KAZN: variants seen among roughly 807,000 people sequenced by gnomAD.
The protein encoded by KAZN is kazrin, periplakin interacting protein.
A neutral mutation model predicts 87.4 loss-of-function variants in KAZN; 40 were observed. That is an observed-to-expected ratio of 0.46 (90% CI 0.36 to 0.60). The LOEUF (loss-of-function observed/expected upper bound fraction) is 0.60. Among genes scored for constraint, KAZN ranks in the 20% least tolerant of loss-of-function variants. KAZN has a pLI of 0.00. For missense variants in KAZN, 898 were observed against 1,073.9 expected (o/e 0.84, Z 2.29); for synonymous variants, 466 against 458.3 (o/e 1.02, Z -0.22).
chr1:13,916,085 C>T (rs1420219775), intron 1 of KAZN, among the ~76,000 whole-genome samples: 1 of 152,128 alleles, frequency 6.6e-6, no homozygotes, highest in Non-Finnish European at 1.5e-5. Flanking sequence ...GGATGATCAG[C>T]CCCAGATGCC....
chr1:14,131,450 G>T (rs908133835), intron 1 of KAZN, among the ~76,000 whole-genome samples: 6 of 152,098 alleles, frequency 3.9e-5, no homozygotes, highest in Non-Finnish European at 7.4e-5. Context: ...TGTGTAGTTT[G>T]CCTCCTAAGC....
chr1:14,418,608 C>T (rs1665040498), intron 2 of KAZN, among the ~76,000 whole-genome samples: 2 of 152,156 alleles, frequency 1.3e-5, no homozygotes, highest in African/African-American at 4.8e-5. Context: ...GATAGCAAGG[C>T]TTGTTTTATA....
upstream of KAZN, among the ~76,000 whole-genome samples, chr1:14,594,255 G>A (rs1676359892): frequency 6.6e-6 from 1 of 152,192 alleles, no homozygotes; most frequent in South Asian, 2.1e-4. Flanking sequence ...TCTGGGAAAA[G>A]GGAGGTGCAT....
intron 2 of KAZN, among the ~76,000 whole-genome samples, chr1:14,371,606 T>A (rs758800081): frequency 1.1e-4 from 17 of 151,916 alleles, no homozygotes; most frequent in Admixed American, 2.6e-4. Context: ...TGGAAGATGC[T>A]GATAAAAAAA....
intron 1 of KAZN, among the ~76,000 whole-genome samples, chr1:14,875,201 C>T (rs1652616159): frequency 6.6e-6 from 1 of 151,926 alleles, no homozygotes; most frequent in Non-Finnish European, 1.5e-5. Flanking sequence ...CATGATGGTG[C>T]ATGCCTGTAA....
chr1:14,271,011 A>G (rs745432415), intron 2 of KAZN, among the ~76,000 whole-genome samples: 1 of 152,222 alleles, frequency 6.6e-6, no homozygotes, highest in Non-Finnish European at 1.5e-5. Context: ...AAGTACCACC[A>G]GATGGGAAGC....
intron 1 of KAZN, among the ~76,000 whole-genome samples, chr1:14,791,584 C>T (rs556984234): frequency 1.1e-3 from 161 of 152,286 alleles, no homozygotes; most frequent in African/African-American, 3.5e-3. Context: ...CTCCCTGTCA[C>T]CTCCCTCCAC....
chr1:14,980,346 C>T (rs775786474), intron 2 of KAZN, among the ~76,000 whole-genome samples: 5 of 152,138 alleles, frequency 3.3e-5, no homozygotes, highest in South Asian at 2.1e-4. Context: ...AGGGATTTCC[C>T]GAGACAGACA....
intron 2 of KAZN, among the ~76,000 whole-genome samples, chr1:14,978,615 G>A (rs1219080185): frequency 3.9e-5 from 6 of 152,106 alleles, no homozygotes; most frequent in Non-Finnish European, 8.8e-5. Context: ...TGGAAATTCA[G>A]GTCCCCACCC....
intron 1 of KAZN, among the ~76,000 whole-genome samples, chr1:14,169,870 C>T (rs1320351547): frequency 1.3e-5 from 2 of 152,176 alleles, no homozygotes; most frequent in Non-Finnish European, 2.9e-5. Context: ...GAAGTCACTT[C>T]CCAACAGCTA....
intron 8 of KAZN, among the ~76,000 whole-genome samples, chr1:15,090,546 G>A (rs909003992): frequency 6.6e-6 from 1 of 152,264 alleles, no homozygotes; most frequent in Admixed American, 6.5e-5. Flanking sequence ...TGGCAGGAAG[G>A]TGGGGCCCTG....
Position 15,021,062 on chromosome 1 carries a change from G to A in KAZN, c.419-13687G>A, listed in dbSNP as rs908114809. On this transcript the variant is annotated intron_variant, in intron 2 of 14. Transcript: ENST00000376030. This position sits in a 1 kb window ranked among gnomAD's most constrained non-coding sequence, Gnocchi z 4.2. ...ACCAGTCCATATCACTAGGCACCCA[G>A]GGCAGCTTCCCGATGGACAGTCTTG... is the stretch of plus-strand genomic sequence containing the variant. Among the ~76,000 whole-genome samples, 1 of 152,122 alleles carries A rather than the reference G, an allele frequency of 6.6e-6. No individual in the cohort carries two copies. Among genetic ancestry groups the A allele is most frequent in the Non-Finnish European group, 1.5e-5 (1 of 68,018 alleles).
intron 1 of KAZN, among the ~76,000 whole-genome samples, chr1:14,058,517 T>G (rs973513129): frequency 2.0e-5 from 3 of 152,202 alleles, no homozygotes; most frequent in Admixed American, 2.0e-4. Context: ...CTTTAGTAAG[T>G]GCACACTGTG....
At chr1:14,253,136 AC>A (rs1223882874) in intron 2 of KAZN, among the ~76,000 whole-genome samples, 2 of 143,626 alleles carry the variant, frequency 1.4e-5, no homozygotes, top group Non-Finnish European at 3.0e-5. Flanking sequence ...AAAAAAAAAA[AC>A]GGCCCCACCC....
chr1:14,708,254 C>CT (rs1642314145), intron 1 of KAZN, among the ~76,000 whole-genome samples: 1 of 152,128 alleles, frequency 6.6e-6, no homozygotes, highest in African/African-American at 2.4e-5. Context: ...GCATGGATGC[C>CT]AGAGGTGTGG....
At chr1:13,931,579 A>G (rs867718279) in intron 1 of KAZN, among the ~76,000 whole-genome samples, 1 of 152,078 alleles carries the variant, frequency 6.6e-6, no homozygotes, top group Admixed American at 6.5e-5. Flanking sequence ...ACCAGAAGCA[A>G]TCATGCCTTA....
chr1:14,476,282 C>T (rs1458820039), intron 2 of KAZN, among the ~76,000 whole-genome samples: 7 of 152,194 alleles, frequency 4.6e-5, no homozygotes, highest in Non-Finnish European at 8.8e-5. Context: ...CTATTGATTT[C>T]TGTGCGTGAT....
intron 2 of KAZN, chr1:14,222,106 T>C (rs1485727976): frequency 2.0e-5 from 3 of 152,208 alleles, no homozygotes; most frequent in Non-Finnish European, 4.4e-5. Context: ...TCATCTTCTC[T>C]CCTGAATAGA....
At position 14,856,679 on chromosome 1, in the gene KAZN, C is replaced by T. The variant is rs1003688584; in HGVS notation, c.227-104005C>T. Among the ~76,000 whole-genome samples, 5 of 152,124 alleles carry T rather than the reference C, an allele frequency of 3.3e-5. No individual in the cohort carries two copies. The highest frequency in any genetic ancestry group is 6.5e-5 in the Admixed American group (1 of 15,270). On this transcript the variant is annotated intron_variant, in intron 1 of 14. Transcript: ENST00000376030. This position sits in a 1 kb window ranked among gnomAD's most constrained non-coding sequence, Gnocchi z 5.2. Reference sequence around the variant, plus strand: ...GGAATAAATAGGCAATGACCTTCTGCGAAGGAGGAACTTCTACTTTTCATG... The same window carrying T: ...GGAATAAATAGGCAATGACCTTCTGTGAAGGAGGAACTTCTACTTTTCATG...
Sources: allele counts gnomAD v4.1 joint callset (sites outside exome capture counted in the v4.1 genomes callset), GRCh38; gene constraint gnomAD v4.1.1; non-coding constraint Gnocchi (gnomAD v3.1); transcripts MANE v1.5; gene names NCBI Gene and HGNC (gene_info 2026-07-23, HGNC 2026-07-21).